Variants in GSG1L observed in about 807,000 individuals in gnomAD.
GSG1L encodes the protein germ cell-specific gene 1-like protein.
In GSG1L, 24 loss-of-function variants were observed where a neutral mutation model predicts 42.1. That is an observed-to-expected ratio of 0.57 (90% confidence interval 0.41 to 0.80). GSG1L has a LOEUF of 0.80. Among genes scored for constraint, GSG1L ranks in the 30% least tolerant of loss-of-function variants. GSG1L has a pLI of 0.00. For synonymous variants in GSG1L, 215 were observed against 203.5 expected (o/e 1.06, Z -0.48); for missense variants, 445 against 472.2 (o/e 0.94, Z 0.53).
intron 3 of GSG1L, among the ~76,000 whole-genome samples, chr16:27,883,434 C>T (rs567591146): frequency 6.6e-6 from 1 of 152,194 alleles, no homozygotes; most frequent in South Asian, 2.1e-4. Context: ...GATTGGATTT[C>T]CCACATCCTG....
At chr16:27,937,817 G>A (rs868855042) in intron 2 of GSG1L, among the ~76,000 whole-genome samples, 2 of 152,178 alleles carry the variant, frequency 1.3e-5, no homozygotes, top group East Asian at 1.9e-4. Flanking sequence ...GGAGGTGTTC[G>A]AAGAGCAGAC....
intron 2 of GSG1L, among the ~76,000 whole-genome samples, chr16:27,895,291 G>A (rs2084177598): frequency 6.6e-6 from 1 of 152,166 alleles, no homozygotes; most frequent in Admixed American, 6.5e-5. Context: ...GATGATGGCT[G>A]TGGGGCTGAG....
intron 1 of GSG1L, among the ~76,000 whole-genome samples, chr16:28,050,107 G>T (rs2086206160): frequency 1.3e-5 from 2 of 152,218 alleles, no homozygotes; most frequent in African/African-American, 4.8e-5. Context: ...ATGAATGAAT[G>T]AATGAATACC....
intron 3 of GSG1L, among the ~76,000 whole-genome samples, chr16:27,857,221 GT>G (rs1480742815): frequency 6.6e-6 from 1 of 152,156 alleles, no homozygotes; most frequent in Non-Finnish European, 1.5e-5. Context: ...GAGGCCAAGA[GT>G]TTGAGATCAC....
intron 2 of GSG1L, among the ~76,000 whole-genome samples, chr16:27,890,223 G>A (rs1406838175): frequency 2.0e-5 from 3 of 152,208 alleles, no homozygotes; most frequent in Non-Finnish European, 4.4e-5. Flanking sequence ...GAGGACGGCC[G>A]CTGAGTGGGA....
At chr16:27,941,655 A>G (rs1206231181) in intron 2 of GSG1L, among the ~76,000 whole-genome samples, 1 of 150,878 alleles carries the variant, frequency 6.6e-6, no homozygotes, top group Non-Finnish European at 1.5e-5. Flanking sequence ...CCTGGGGCAT[A>G]GAGCATGTTA....
In GSG1L at chr16:28,063,023, G is replaced by T; in HGVS notation, c.349+53C>A. 1 of 1,331,602 alleles carries T rather than the reference G, an allele frequency of 7.5e-7. No individual in the cohort carries two copies. Among genetic ancestry groups the T allele is most frequent in the East Asian group, 3.5e-5 (1 of 28,876 alleles). The allele number at this position is 1,331,602 out of a possible 1,614,324, so 82.5% of individuals were successfully genotyped here. A position where few individuals can be genotyped will look rare whatever the true frequency, so the allele number is the denominator to read the frequency against. On this transcript the variant is annotated intron_variant, in intron 1 of 6. Transcript: ENST00000447459. This position sits in a 1 kb window ranked among gnomAD's most constrained non-coding sequence, Gnocchi z 5.8. ...GTCCGGGGCTCGGGCCTCGATGGCC[G>T]CGCCGCCCCGGGGGAGCCGGAGCCG... is the stretch of plus-strand genomic sequence containing the variant.
rs1208426003 is a variant in GSG1L at position 27,856,863 on chromosome 16, G to C, written c.551-11802C>G. 3.9e-5 allele frequency among the ~76,000 whole-genome samples: 6 copies of C among 152,194 alleles called. No individual in the cohort carries two copies. In the East Asian group the frequency reaches 7.7e-4, roughly 20 times the overall value. On this transcript the variant is annotated intron_variant, in intron 3 of 6. Transcript: ENST00000447459. ...AGAGATGCGGATTTGGGTGAGGAGT[G>C]GGGTGGTGGCTCCCATCAGAACGTG...
chr16:27,828,807 A>C lies in GSG1L; in HGVS notation c.812T>G (p.Ile271Ser). Reference protein sequence around the residue: ...EEPTFIDPEAIKYFRERMEKR... With the variant: ...EEPTFIDPEASKYFRERMEKR... ...CACTGACCTCTCCCGGAAGTACTTG[A>C]TGGCCTCAGGGTCTATGAAGGTCGG... The change falls in exon 5 of 7, where the codon ATC becomes AGC. Residue 271 changes from isoleucine to serine, a missense_variant. By Grantham distance (142) the Ile-to-Ser change is moderately radical. This residue lies in a region of GSG1L where 140 missense variants were observed against 120.6 expected (regional missense o/e 1.16). Transcript: ENST00000447459. The C allele has an allele frequency of 1.2e-6, 2 of 1,614,020 alleles. No individual in the cohort carries two copies. Among genetic ancestry groups the C allele is most frequent in the Non-Finnish European group, 1.7e-6 (2 of 1,179,944 alleles).
intron 4 of GSG1L, among the ~76,000 whole-genome samples, chr16:27,840,572 A>G (rs1305519440): frequency 6.6e-6 from 1 of 152,166 alleles, no homozygotes; most frequent in Non-Finnish European, 1.5e-5. Context: ...AGTGCTCCAC[A>G]TGCATTGATT....
At chr16:27,901,059 T>C (rs58280497) in intron 2 of GSG1L, among the ~76,000 whole-genome samples, 19,742 of 151,972 alleles carry the variant, frequency 0.13, 1,937 homozygotes, top group Admixed American at 0.25. Flanking sequence ...ACCCGGGAGG[T>C]GGAGATTGCA....
rs1000514688 is a variant in GSG1L, at chr16:27,787,562, T to C, written c.*3808A>G. On this transcript the variant is annotated 3_prime_UTR_variant, in exon 7 of 7. Transcript: ENST00000447459. ...CGATTATTTATTTAATATTTTTCTT[T>C]AAGCCAACTCTTTTTTTCTTTTACT... 6.6e-6 allele frequency: 1 copy of C among 152,258 alleles called. No individual in the cohort carries two copies. Among genetic ancestry groups the C allele is most frequent in the Admixed American group, 6.5e-5 (1 of 15,292 alleles). 9.4% of individuals were successfully genotyped at this position (152,258 alleles called of 1,614,324 possible). A position where few individuals can be genotyped will look rare whatever the true frequency, so the allele number is the denominator to read the frequency against.
At chr16:27,900,584 A>G (rs2084245009) in intron 2 of GSG1L, among the ~76,000 whole-genome samples, 1 of 152,156 alleles carries the variant, frequency 6.6e-6, no homozygotes, top group Non-Finnish European at 1.5e-5. Flanking sequence ...ACTGAGGCAG[A>G]GAGAAGGAAA....
chr16:27,919,465 G>T (rs543299703), intron 2 of GSG1L, among the ~76,000 whole-genome samples: 1 of 152,322 alleles, frequency 6.6e-6, no homozygotes, highest in Admixed American at 6.5e-5. Context: ...GCCTTTGCAG[G>T]ATCTCCCTAC....
intron 2 of GSG1L, among the ~76,000 whole-genome samples, chr16:27,916,735 A>G (rs1377558099): frequency 2.6e-5 from 4 of 152,188 alleles, no homozygotes; most frequent in African/African-American, 4.8e-5. Flanking sequence ...TGTGTGTAAA[A>G]TGGGGGCACC....
intron 3 of GSG1L, among the ~76,000 whole-genome samples, chr16:27,857,195 G>A (rs1349233686): frequency 1.3e-5 from 2 of 152,200 alleles, no homozygotes; most frequent in Non-Finnish European, 2.9e-5. Context: ...GGGAAGCCAA[G>A]GTGGGCAGAT....
At chr16:27,914,213 T>G (rs2084424359) in intron 2 of GSG1L, among the ~76,000 whole-genome samples, 1 of 152,190 alleles carries the variant, frequency 6.6e-6, no homozygotes, top group Admixed American at 6.5e-5. Context: ...TCATCCAAAA[T>G]GAATTCTTCA....
intron 2 of GSG1L, among the ~76,000 whole-genome samples, chr16:27,935,652 T>C (rs1324839824): frequency 1.3e-5 from 2 of 151,776 alleles, no homozygotes; most frequent in African/African-American, 4.8e-5. Context: ...TGTGATTCCA[T>C]TGTCTTGCAA....
At chr16:28,035,300 C>A (rs530900291) in intron 1 of GSG1L, among the ~76,000 whole-genome samples, 1 of 152,278 alleles carries the variant, frequency 6.6e-6, no homozygotes, top group South Asian at 2.1e-4. Flanking sequence ...TGTGAGCCAC[C>A]ACGCCTATCC....
Sources: allele counts gnomAD v4.1 joint callset (sites outside exome capture counted in the v4.1 genomes callset), GRCh38; gene constraint gnomAD v4.1.1; regional missense constraint gnomAD v4.1.1; non-coding constraint Gnocchi (gnomAD v3.1); transcripts MANE v1.5; gene names NCBI Gene and HGNC (gene_info 2026-07-23, HGNC 2026-07-21).